NCAPD3: variants seen among roughly 807,000 people sequenced by gnomAD.
NCAPD3 encodes non-SMC condensin II complex subunit D3, also known as condensin-2 complex subunit D3.
In NCAPD3, 105 loss-of-function variants were observed where a neutral mutation model predicts 182.9. The ratio of observed to expected loss-of-function variants is 0.57; its 90% CI spans 0.49 to 0.68. NCAPD3 has a LOEUF of 0.68. Among genes scored for constraint, NCAPD3 ranks in the 30% least tolerant of loss-of-function variants. The pLI, the probability that NCAPD3 is intolerant of heterozygous loss-of-function variation, is 0.00. For synonymous variants in NCAPD3, 815 were observed against 679.9 expected (o/e 1.20, Z -3.09); for missense variants, 1,944 against 1,837.0 (o/e 1.06, Z -1.07).
chr11:134,152,569 C>T lies in NCAPD3; in HGVS notation c.*375G>A, dbSNP rs780659403. On this transcript the variant is annotated 3_prime_UTR_variant, in exon 35 of 35. Coordinates refer to ENST00000534548, the MANE Select transcript of NCAPD3 (RefSeq NM_015261.3). The stretch of plus-strand genomic sequence containing the variant: ...GTCATTACAGATGGGAAAATATGTA[C>T]TATAAGGAATTCAAGTTAACAGAGG... 1.8e-5 allele frequency: 3 copies of T among 167,288 alleles called. No homozygotes were observed. The highest frequency in any genetic ancestry group is 7.1e-5 in the African/African-American group (3 of 42,056). The allele number at this position is 167,288 out of a possible 1,614,324, so 10.4% of individuals were successfully genotyped here. A position where few individuals can be genotyped will look rare whatever the true frequency, so the allele number is the denominator to read the frequency against.
chr11:134,202,682 C>T, intron 13 of NCAPD3, 134 bp downstream of exon 13: 1 of 626,522 alleles, frequency 1.6e-6, no homozygotes, highest in East Asian at 3.0e-5. Flanking sequence ...AGTCACCACG[C>T]CCAGCCAGCT....
At chr11:134,165,160 G>A (rs543422202) in intron 27 of NCAPD3, among the ~76,000 whole-genome samples, 37 of 151,142 alleles carry the variant, frequency 2.4e-4, no homozygotes, top group Non-Finnish European at 8.8e-5. Flanking sequence ...CTTGTGAGAT[G>A]AGCTGAGGAG....
chr11:134,194,121 A>G lies in NCAPD3; in HGVS notation c.1719T>C (p.Asp573=). The stretch of plus-strand genomic sequence containing the variant: ...ACAGGTCTTCCTTCATGCCTGAGAC[A>G]TCACAGTGTTTCAAAATACTCACTA... The part of the protein sequence containing the change: ...QVLVSILKHC[D]VSGMKEDLWI... The change falls in exon 15 of 35, where the codon GAT becomes GAC. Residue 573 remains aspartate (D), a synonymous_variant. Coordinates refer to ENST00000534548, the MANE Select transcript of NCAPD3 (RefSeq NM_015261.3). The G allele has an allele frequency of 6.2e-7, 1 of 1,614,190 alleles. No homozygotes were observed. Among genetic ancestry groups the G allele is most frequent in the East Asian group, 2.2e-5 (1 of 44,884 alleles).
intron 15 of NCAPD3, among the ~76,000 whole-genome samples, chr11:134,193,272 A>G (rs531399790): frequency 6.6e-6 from 1 of 152,350 alleles, no homozygotes; most frequent in South Asian, 2.1e-4. Flanking sequence ...GAAATAAAGA[A>G]ATAAACATAC....
chr11:134,221,336 T>G (rs968476185), intron 1 of NCAPD3, among the ~76,000 whole-genome samples: 1 of 152,064 alleles, frequency 6.6e-6, no homozygotes, highest in Non-Finnish European at 1.5e-5. Context: ...CTCTCTTAAC[T>G]CTAAATCTTC....
chr11:134,159,072 T>C (rs546193935), intron 29 of NCAPD3, among the ~76,000 whole-genome samples: 2 of 152,364 alleles, frequency 1.3e-5, no homozygotes, highest in Admixed American at 6.5e-5. Context: ...CATCCACTGA[T>C]GGACATTTGT....
intron 28 of NCAPD3, among the ~76,000 whole-genome samples, chr11:134,160,947 G>GT (rs112887479): frequency 0.054 from 7,818 of 144,372 alleles, 652 homozygotes; most frequent in African/African-American, 0.18. Flanking sequence ...CTCTGTTTTT[G>GT]TTTTTTTTTT....
intron 14 of NCAPD3, among the ~76,000 whole-genome samples, 200 bp from the exon 15 acceptor site, chr11:134,194,350 T>C (rs1306316520): frequency 2.0e-5 from 3 of 152,220 alleles, no homozygotes; most frequent in African/African-American, 7.2e-5. Flanking sequence ...AAATTTTATA[T>C]AAACAAATAT....
At chr11:134,192,103 T>C (rs1944535274) in intron 16 of NCAPD3, among the ~76,000 whole-genome samples, 1 of 152,206 alleles carries the variant, frequency 6.6e-6, no homozygotes, top group Non-Finnish European at 1.5e-5. Context: ...ACGGCTGCTC[T>C]TACAAATCAG....
intron 27 of NCAPD3, among the ~76,000 whole-genome samples, chr11:134,164,782 C>T (rs1401497441): frequency 1.3e-5 from 2 of 150,868 alleles, no homozygotes; most frequent in Non-Finnish European, 2.9e-5. Flanking sequence ...GAGCTGCACA[C>T]TCGTGAAATG....
rs202152472 is a variant in NCAPD3, at chr11:134,168,194, C to G, written c.3375G>C (p.Ala1125=). The G allele has an allele frequency of 6.2e-7, 1 of 1,613,344 alleles. No individual in the cohort carries two copies. The highest frequency in any genetic ancestry group is 8.5e-7 in the Non-Finnish European group (1 of 1,179,332). Residue 1125 remains alanine (A), a splice_region_variant and synonymous_variant, in exon 27 of 35, where the codon GCG becomes GCC. Transcript: ENST00000534548. ...ITSKICLSIL[A]CFADGILPLD... is the part of the protein sequence containing the mutation. ...GGGGTAGGATGCCATCAGCAAAGCA[C>G]GCTGAGAGACAGAGAGAGAGAAAAA...
At chr11:134,202,336 T>C (rs1373304178) in intron 13 of NCAPD3, among the ~76,000 whole-genome samples, 1 of 152,206 alleles carries the variant, frequency 6.6e-6, no homozygotes, top group East Asian at 1.9e-4. Context: ...ATCATGCAGC[T>C]ATTTAGTAAC....
In NCAPD3 at chr11:134,203,846, C is replaced by A; in HGVS notation, c.1276G>T (p.Glu426Ter). ...TCCAAGGAGAGGGTGTTATCCACCT[C>A]TCTTTCAGGCAGTTCTAACAGAGCT... Reference protein sequence around the residue: ...VLALLELPEREVDNTLSLEHQ... With the variant: ...VLALLELPER The change falls in exon 11 of 35, where the codon GAG (glutamate) becomes TAG (stop). Residue 426 changes from glutamate to a stop codon, truncating the protein, a stop_gained. Transcript: ENST00000534548. LOFTEE classifies it high-confidence loss of function. 6.2e-7 allele frequency: 1 copy of A among 1,614,192 alleles called. No homozygotes were observed. Among genetic ancestry groups the A allele is most frequent in the Non-Finnish European group, 8.5e-7 (1 of 1,180,030 alleles).
chr11:134,179,967 C>A (rs1237296786), intron 20 of NCAPD3, among the ~76,000 whole-genome samples: 1 of 151,698 alleles, frequency 6.6e-6, no homozygotes, highest in Non-Finnish European at 1.5e-5. Flanking sequence ...AGGGCAAAAC[C>A]TCTCCATATA....
At chr11:134,167,462 G>A (rs183820647) in intron 27 of NCAPD3, among the ~76,000 whole-genome samples, 1,679 of 126,928 alleles carry the variant, frequency 0.013, 87 homozygotes, top group African/African-American at 0.051. Flanking sequence ...TAGGGGAGGC[G>A]CACACTCACT....
intron 24 of NCAPD3, among the ~76,000 whole-genome samples, chr11:134,174,982 G>A (rs1325938329): frequency 6.6e-6 from 1 of 152,144 alleles, no homozygotes; most frequent in Non-Finnish European, 1.5e-5. Flanking sequence ...TTGAACCATG[G>A]TTTCAACAAA....
rs753417052 is a variant in NCAPD3 at position 134,177,367 on chromosome 11, C to T, written c.2873G>A (p.Arg958His). Reference protein sequence around the residue: ...ELEVCEDVAVRNNVIIVMCDL... With the variant: ...ELEVCEDVAVHNNVIIVMCDL... The stretch of plus-strand genomic sequence containing the variant: ...GCACATTACAATGATGACGTTGTTG[C>T]GGACAGCCACGTCCTCACACACCTC... Residue 958 changes from arginine (R) to histidine (H), a missense_variant, in exon 23 of 35, where the codon CGC (arginine) becomes CAC (histidine). This residue lies in a region of NCAPD3 where 1,803 missense variants were observed against 1,674.6 expected (regional missense o/e 1.08). Coordinates refer to ENST00000534548, the MANE Select transcript of NCAPD3 (RefSeq NM_015261.3). The T allele has an allele frequency of 5.6e-6, 9 of 1,614,232 alleles. No homozygotes were observed. The highest frequency in any genetic ancestry group is 1.3e-5 in the African/African-American group (1 of 75,062).
chr11:134,164,622 G>A (rs904821277), intron 27 of NCAPD3, among the ~76,000 whole-genome samples: 10 of 150,598 alleles, frequency 6.6e-5, no homozygotes, highest in African/African-American at 2.4e-4. Flanking sequence ...ACTCACTTGT[G>A]ACATGAGCTT....
rs774763931 is a variant in NCAPD3 at position 134,184,676 on chromosome 11, C to T, written c.2412G>A (p.Arg804=). 9 of 1,613,930 alleles carry T rather than the reference C, an allele frequency of 5.6e-6. 1 individual carries two copies. In the South Asian group the frequency reaches 8.8e-5, roughly 16 times the overall value. The change falls in exon 19 of 35, where the codon AGG becomes AGA. Residue 804 remains arginine, a synonymous_variant. Coordinates refer to ENST00000534548, the MANE Select transcript of NCAPD3 (RefSeq NM_015261.3). ...VISSAVDALQ[R]LCRASAETPA... is the part of the protein sequence containing the mutation. Reference sequence around the variant, plus strand: ...GTGTCTCTGCAGATGCTCTACAAAGCCTCTGCAAGGCGTCAACAGCTGAAC... The same window carrying T: ...GTGTCTCTGCAGATGCTCTACAAAGTCTCTGCAAGGCGTCAACAGCTGAAC...
Sources: allele counts gnomAD v4.1 joint callset (sites outside exome capture counted in the v4.1 genomes callset), GRCh38; gene constraint gnomAD v4.1.1; regional missense constraint gnomAD v4.1.1; transcripts MANE v1.5; gene names NCBI Gene and HGNC (gene_info 2026-07-23, HGNC 2026-07-21).